Variants in ADAMTS3 observed in about 807,000 individuals in gnomAD.
The protein encoded by ADAMTS3 is A disintegrin and metalloproteinase with thrombospondin motifs 3.
In ADAMTS3, 73 loss-of-function variants were observed where a neutral mutation model predicts 129.0. The observed-to-expected ratio is 0.57, with a 90% confidence interval of 0.47 to 0.69. The LOEUF is 0.69. Among genes scored for constraint, ADAMTS3 ranks in the 30% least tolerant of loss-of-function variants. The pLI, the probability that ADAMTS3 is intolerant of heterozygous loss-of-function variation, is 0.00. For missense variants in ADAMTS3, 1,457 were observed against 1,514.5 expected, an observed-to-expected ratio of 0.96 and a Z score of 0.63; for synonymous variants, 477 against 510.8, an observed-to-expected ratio of 0.93 and a Z score of 0.89.
At position 72,319,917 on chromosome 4, in the gene ADAMTS3, G is replaced by T; in HGVS notation, c.1149C>A (p.Thr383=). Residue 383 remains threonine, a synonymous_variant, in exon 8 of 22, where the codon ACC becomes ACA. Coordinates refer to ENST00000286657, the MANE Select transcript of ADAMTS3 (RefSeq NM_014243.3). ...ATGAAAAACCATCCTCATGATTCAG[G>T]GTACAACTTCTCACTGGATGACACA... ...TGMCHPVRSC[T]LNHEDGFSSA... The T allele has an allele frequency of 6.2e-7, 1 of 1,613,796 alleles. No individual in the cohort carries two copies. The highest frequency in any genetic ancestry group is 8.5e-7 in the Non-Finnish European group (1 of 1,179,890).
At chr4:72,468,626 T>C (rs1178284005) in intron 3 of ADAMTS3, among the ~76,000 whole-genome samples, 2 of 152,032 alleles carry the variant, frequency 1.3e-5, no homozygotes, top group South Asian at 2.1e-4. Flanking sequence ...CAAAAAGCTA[T>C]CTTAACATTT....
chr4:72,563,092 T>C (rs1040877366), intron 2 of ADAMTS3, among the ~76,000 whole-genome samples: 2 of 152,010 alleles, frequency 1.3e-5, no homozygotes, highest in Non-Finnish European at 2.9e-5. Flanking sequence ...ACCTTGAGGG[T>C]TTTTTAACAT....
chr4:72,295,926 G>A (rs1306241549), intron 18 of ADAMTS3, 140 bp from the exon 19 acceptor site: 1 of 980,072 alleles, frequency 1.0e-6, no homozygotes, highest in Admixed American at 2.7e-5. Flanking sequence ...CACTTCAATA[G>A]GTGCTGAAGG....
chr4:72,326,952 T>C (rs1719714441), intron 5 of ADAMTS3, among the ~76,000 whole-genome samples: 1 of 152,162 alleles, frequency 6.6e-6, no homozygotes, highest in Non-Finnish European at 1.5e-5. Flanking sequence ...TACACCTGAA[T>C]GTGCTTACAT....
At chr4:72,568,386 C>T (rs1385219640) in intron 1 of ADAMTS3, among the ~76,000 whole-genome samples, 1 of 152,072 alleles carries the variant, frequency 6.6e-6, no homozygotes, top group Non-Finnish European at 1.5e-5. Context: ...CCCAGATGGC[C>T]CGGCGAGGAT....
chr4:72,482,983 A>G (rs1719479524), intron 3 of ADAMTS3, among the ~76,000 whole-genome samples: 1 of 152,204 alleles, frequency 6.6e-6, no homozygotes, highest in Non-Finnish European at 1.5e-5. Context: ...TCAGCAAACT[A>G]AAATTAGAAG....
intron 3 of ADAMTS3, among the ~76,000 whole-genome samples, chr4:72,499,719 C>T (rs1410374145): frequency 1.3e-5 from 2 of 152,016 alleles, no homozygotes; most frequent in East Asian, 3.9e-4. Context: ...CAATTGATCC[C>T]GTCACCCAGA....
chr4:72,508,333 T>G lies in ADAMTS3; in HGVS notation c.504+40145A>C, dbSNP rs72853063. ...GAATGGAAGAGTTAAAATGGGTTAG[T>G]GGTTAAAATCTCCCACCAATAACCT... On this transcript the variant is annotated intron_variant, in intron 3 of 21. Transcript: ENST00000286657. Among the ~76,000 whole-genome samples, 827 of 152,224 alleles carry G rather than the reference T, an allele frequency of 5.4e-3. 13 individuals are homozygous for G. Among genetic ancestry groups the G allele is most frequent in the African/African-American group, 0.019 (788 of 41,546 alleles).
At chr4:72,419,724 C>T (rs562928339) in intron 3 of ADAMTS3, among the ~76,000 whole-genome samples, 7 of 152,126 alleles carry the variant, frequency 4.6e-5, no homozygotes, top group African/African-American at 1.7e-4. Flanking sequence ...TACTGGACAC[C>T]CCTGTAAGTA....
intron 4 of ADAMTS3, among the ~76,000 whole-genome samples, chr4:72,414,112 CTT>C (rs1427783130): frequency 6.6e-6 from 1 of 151,576 alleles, no homozygotes; most frequent in Non-Finnish European, 1.5e-5. Context: ...AATGTAAAGA[CTT>C]CTTGAGATTT....
At position 72,401,563 on chromosome 4, in the gene ADAMTS3, T is replaced by C. The variant is rs557089158; in HGVS notation, c.661+13252A>G. Reference sequence around the variant, plus strand: ...GCCTGGGCGACAGAGAGATACTCTGTCTCAAAAAAAAAAAAAAAAAAAAAA... The same window carrying C: ...GCCTGGGCGACAGAGAGATACTCTGCCTCAAAAAAAAAAAAAAAAAAAAAA... On this transcript the variant is annotated intron_variant, in intron 4 of 21. Coordinates refer to ENST00000286657, the MANE Select transcript of ADAMTS3 (RefSeq NM_014243.3). 1.7e-3 allele frequency among the ~76,000 whole-genome samples: 69 copies of C among 41,200 alleles called. 3 individuals carry two copies. In the South Asian group the frequency reaches 0.07, roughly 42 times the overall value. 27.0% of individuals were successfully genotyped at this position (41,200 alleles called of 152,430 possible). A position where few individuals can be genotyped will look rare whatever the true frequency, so the allele number is the denominator to read the frequency against.
intron 3 of ADAMTS3, among the ~76,000 whole-genome samples, chr4:72,433,135 CAA>C (rs1461382728): frequency 6.6e-6 from 1 of 151,772 alleles, no homozygotes; most frequent in African/African-American, 2.4e-5. Flanking sequence ...AAGCTTCAAC[CAA>C]AACTAACCCT....
chr4:72,539,462 C>A (rs1418035945), intron 3 of ADAMTS3, among the ~76,000 whole-genome samples: 1 of 149,050 alleles, frequency 6.7e-6, no homozygotes, highest in Non-Finnish European at 1.5e-5. Context: ...ACACCACCCA[C>A]CTCCCAACCT....
intron 3 of ADAMTS3, among the ~76,000 whole-genome samples, chr4:72,479,981 A>G (rs1719380429): frequency 6.6e-6 from 1 of 152,166 alleles, no homozygotes; most frequent in African/African-American, 2.4e-5. Context: ...AATGCAAATC[A>G]AAACCACAAT....
At chr4:72,451,992 A>G (rs1718419901) in intron 3 of ADAMTS3, among the ~76,000 whole-genome samples, 1 of 151,758 alleles carries the variant, frequency 6.6e-6, no homozygotes, top group Admixed American at 6.6e-5. Flanking sequence ...CAGGAGACTT[A>G]GGTGGGAGGA....
intron 3 of ADAMTS3, among the ~76,000 whole-genome samples, chr4:72,542,432 G>T (rs1322798406): frequency 6.6e-6 from 1 of 152,132 alleles, no homozygotes; most frequent in Non-Finnish European, 1.5e-5. Context: ...CCAAAGTGCT[G>T]GGATTACAGG....
chr4:72,288,201 T>C (rs564814045), intron 21 of ADAMTS3, among the ~76,000 whole-genome samples: 1 of 152,226 alleles, frequency 6.6e-6, no homozygotes, highest in East Asian at 1.9e-4. Flanking sequence ...ATTGACTAAA[T>C]AAAGAAAATA....
At chr4:72,364,576 C>T (rs573571993) in intron 4 of ADAMTS3, among the ~76,000 whole-genome samples, 88 of 149,870 alleles carry the variant, frequency 5.9e-4, no homozygotes, top group South Asian at 1.3e-3. Context: ...ATTGTGCCAC[C>T]GCACTCCAGC....
chr4:72,474,238 A>AAGATGAC (rs1370078840), intron 3 of ADAMTS3, among the ~76,000 whole-genome samples: 1 of 152,238 alleles, frequency 6.6e-6, no homozygotes, highest in Non-Finnish European at 1.5e-5. Context: ...TGCCAACACT[A>AAGATGAC]AGATGACAGA....
Sources: gnomAD v4.1 joint callset for allele counts (sites outside exome capture counted in the v4.1 genomes callset) on GRCh38, gnomAD v4.1.1 for gene constraint, MANE v1.5 for transcripts, NCBI Gene and HGNC (gene_info 2026-07-23, HGNC 2026-07-21) for gene names.